The following NBEA variants were observed in gnomAD, a reference collection of about 807,000 sequenced individuals.
The protein encoded by NBEA is neurobeachin.
NBEA carries 44 observed loss-of-function variants against 343.4 expected under a neutral mutation model. The ratio of observed to expected loss-of-function variants is 0.13; its 90% CI spans 0.10 to 0.16. The LOEUF (loss-of-function observed/expected upper bound fraction) is 0.16. Ranked by LOEUF, NBEA falls within the 10% of genes least tolerant of loss-of-function variation. The pLI, the probability that NBEA is intolerant of heterozygous loss-of-function variation, is 1.00. For synonymous variants in NBEA, 1,175 were observed against 1,238.7 expected, an observed-to-expected ratio of 0.95 and a Z score of 1.08; for missense variants, 2,555 against 3,631.3, an observed-to-expected ratio of 0.70 and a Z score of 7.62.
chr13:35,440,625 A>G (rs1446633658), intron 39 of NBEA, among the ~76,000 whole-genome samples: 1 of 152,180 alleles, frequency 6.6e-6, no homozygotes, highest in Non-Finnish European at 1.5e-5. Flanking sequence ...TAAATGATGG[A>G]ACACAGGATA....
chr13:35,015,115 GCAA>G (rs1214764688), intron 1 of NBEA, among the ~76,000 whole-genome samples: 1 of 65,114 alleles, frequency 1.5e-5, no homozygotes, highest in African/African-American at 6.0e-5. Context: ...TCAACAAAAA[GCAA>G]CGAGATCTGA....
At chr13:35,523,330 A>G (rs1456741634) in intron 41 of NBEA, among the ~76,000 whole-genome samples, 1 of 152,178 alleles carries the variant, frequency 6.6e-6, no homozygotes, top group East Asian at 1.9e-4. Flanking sequence ...TCTCATGCCC[A>G]TTTCTGACAT....
chr13:35,128,874 A>G (rs938902269), intron 17 of NBEA, among the ~76,000 whole-genome samples: 2 of 152,066 alleles, frequency 1.3e-5, no homozygotes, highest in African/African-American at 4.8e-5. Context: ...TTAGCTGATG[A>G]TTTTTTAACC....
intron 36 of NBEA, among the ~76,000 whole-genome samples, chr13:35,336,856 G>A (rs1346694674): frequency 6.6e-6 from 1 of 151,992 alleles, no homozygotes; most frequent in Non-Finnish European, 1.5e-5. Flanking sequence ...GCAGACCCTG[G>A]GGCCTACATG....
chr13:35,456,467 G>T (rs756539338), intron 40 of NBEA, among the ~76,000 whole-genome samples: 8 of 151,958 alleles, frequency 5.3e-5, no homozygotes, highest in Non-Finnish European at 8.8e-5. Flanking sequence ...TCACCAAAGT[G>T]AATTAGTACC....
intron 16 of NBEA, among the ~76,000 whole-genome samples, chr13:35,118,905 G>T (rs2066644894): frequency 6.6e-6 from 1 of 151,574 alleles, no homozygotes; most frequent in Non-Finnish European, 1.5e-5. Context: ...AAAGAATTTT[G>T]AGTAGGGGAA....
chr13:35,642,991 C>G (rs1215912409), intron 49 of NBEA, among the ~76,000 whole-genome samples: 1 of 150,582 alleles, frequency 6.6e-6, no homozygotes, highest in African/African-American at 2.4e-5. Flanking sequence ...TCTCACTGAC[C>G]CTTGCAGACC....
At chr13:35,602,504 T>C (rs1394442870) in intron 47 of NBEA, among the ~76,000 whole-genome samples, 1 of 152,228 alleles carries the variant, frequency 6.6e-6, no homozygotes, top group Non-Finnish European at 1.5e-5. Context: ...TTGAAACCTC[T>C]AGGGGCTCTG....
At chr13:35,395,069 T>C (rs967525764) in intron 38 of NBEA, among the ~76,000 whole-genome samples, 1 of 152,172 alleles carries the variant, frequency 6.6e-6, no homozygotes, top group African/African-American at 2.4e-5. Flanking sequence ...AGAGATCTTG[T>C]TATTGATTTA....
chr13:35,550,356 C>T, intron 41 of NBEA, 121 bp from the exon 42 acceptor site: 1 of 587,726 alleles, frequency 1.7e-6, no homozygotes, highest in East Asian at 3.0e-5. Flanking sequence ...AAATTATTGA[C>T]AATGTTGTGA....
chr13:35,193,000 A>G (rs2072311028), intron 30 of NBEA, among the ~76,000 whole-genome samples: 1 of 151,966 alleles, frequency 6.6e-6, no homozygotes, highest in Non-Finnish European at 1.5e-5. Context: ...ATATGATTGT[A>G]TGACTTCTGA....
chr13:35,635,640 A>T (rs950194266), intron 49 of NBEA, among the ~76,000 whole-genome samples: 4 of 152,196 alleles, frequency 2.6e-5, no homozygotes, highest in African/African-American at 9.6e-5. Context: ...TAATAAGGAT[A>T]TAGGTTCAAA....
At chr13:35,583,074 G>A (rs953879767) in intron 45 of NBEA, among the ~76,000 whole-genome samples, 4 of 152,154 alleles carry the variant, frequency 2.6e-5, no homozygotes, top group African/African-American at 7.2e-5. Context: ...CCATAAGCAC[G>A]GACTCTGTAT....
chr13:35,251,569 G>A, intron 34 of NBEA: 1 of 1,201,398 alleles, frequency 8.3e-7, no homozygotes, highest in Non-Finnish European at 1.1e-6. Flanking sequence ...CTTCAGGAAG[G>A]CGTTCACAGA....
At chr13:35,375,932 C>A (rs932206836) in intron 38 of NBEA, among the ~76,000 whole-genome samples, 3 of 151,884 alleles carry the variant, frequency 2.0e-5, no homozygotes, top group African/African-American at 7.3e-5. Flanking sequence ...AAATGTAATG[C>A]CTTTGTGTTA....
At chr13:35,203,370 C>G (rs73505640) in intron 31 of NBEA, among the ~76,000 whole-genome samples, 3,219 of 152,196 alleles carry the variant, frequency 0.021, 84 homozygotes, top group African/African-American at 0.056. Context: ...TCTTTCACCC[C>G]CTTCAGTGTT....
At chr13:35,437,842 T>A (rs1225765081) in intron 39 of NBEA, among the ~76,000 whole-genome samples, 1 of 152,222 alleles carries the variant, frequency 6.6e-6, no homozygotes, top group East Asian at 1.9e-4. Flanking sequence ...ATTGTTTATA[T>A]ATTAAAATAA....
intron 55 of NBEA, among the ~76,000 whole-genome samples, chr13:35,662,591 C>T (rs1187214381): frequency 6.6e-6 from 1 of 152,122 alleles, no homozygotes; most frequent in African/African-American, 2.4e-5. Context: ...GGAAACAGTG[C>T]TTTCAGGGGC....
chr13:35,143,399 C>T (rs2068205011), intron 18 of NBEA, among the ~76,000 whole-genome samples: 1 of 152,134 alleles, frequency 6.6e-6, no homozygotes, highest in Non-Finnish European at 1.5e-5. Context: ...CTTTTAAATA[C>T]CAGTGCATAC....
Sources: allele counts gnomAD v4.1 joint callset (sites outside exome capture counted in the v4.1 genomes callset), GRCh38; gene constraint gnomAD v4.1.1; transcripts MANE v1.5; gene names NCBI Gene and HGNC (gene_info 2026-07-23, HGNC 2026-07-21).